Variants in NRXN1 observed in about 807,000 individuals in gnomAD.
NRXN1 encodes neurexin-1.
In NRXN1, 39 loss-of-function variants were observed where a neutral mutation model predicts 150.9. The ratio of observed to expected loss-of-function variants is 0.26; its 90% CI spans 0.20 to 0.34. NRXN1 has a LOEUF of 0.34. Among genes scored for constraint, NRXN1 ranks in the 10% least tolerant of loss-of-function variants. The pLI is 1.00. For missense variants in NRXN1, 1,815 were observed against 1,949.9 expected (o/e 0.93, Z 1.30); for synonymous variants, 924 against 757.0 (o/e 1.22, Z -3.62).
intron 21 of NRXN1, among the ~76,000 whole-genome samples, chr2:49,960,781 G>C (rs1281247142): frequency 1.3e-5 from 2 of 152,086 alleles, no homozygotes; most frequent in South Asian, 4.1e-4. Flanking sequence ...TACCCCAGTG[G>C]TTCTTAAATG....
At chr2:50,051,678 G>A (rs1169829856) in intron 21 of NRXN1, among the ~76,000 whole-genome samples, 4 of 152,012 alleles carry the variant, frequency 2.6e-5, no homozygotes, top group Admixed American at 6.6e-5. Context: ...TGATGTTATT[G>A]GCAACCTTAT....
intron 17 of NRXN1, among the ~76,000 whole-genome samples, chr2:50,445,256 T>C (rs2086297161): frequency 6.6e-6 from 1 of 152,168 alleles, no homozygotes; most frequent in East Asian, 1.9e-4. Context: ...AAATTCCATA[T>C]ATTTTGCTCA....
chr2:50,484,168 A>C (rs770999439), intron 15 of NRXN1, among the ~76,000 whole-genome samples: 10 of 152,224 alleles, frequency 6.6e-5, no homozygotes, highest in Non-Finnish European at 1.2e-4. Context: ...AAGCACACAC[A>C]AAAAAACTTA....
chr2:50,928,117 G>T (rs1687184995), intron 2 of NRXN1, among the ~76,000 whole-genome samples: 1 of 151,544 alleles, frequency 6.6e-6, no homozygotes, highest in South Asian at 2.1e-4. Flanking sequence ...CTTAATAATG[G>T]GAATTCCTTT....
intron 5 of NRXN1, among the ~76,000 whole-genome samples, chr2:50,794,252 T>A (rs1289518319): frequency 6.6e-6 from 1 of 152,244 alleles, no homozygotes; most frequent in East Asian, 1.9e-4. Flanking sequence ...GTGCATCATT[T>A]GTCGGCATCA....
At chr2:50,724,892 C>T (rs1697138166) in intron 5 of NRXN1, among the ~76,000 whole-genome samples, 1 of 151,306 alleles carries the variant, frequency 6.6e-6, no homozygotes, top group African/African-American at 2.4e-5. Flanking sequence ...AATCTTGCTG[C>T]TGCTCACTAA....
At chr2:51,013,913 T>C (rs1198392652) in intron 2 of NRXN1, among the ~76,000 whole-genome samples, 2 of 152,082 alleles carry the variant, frequency 1.3e-5, no homozygotes, top group Non-Finnish European at 1.5e-5. Context: ...TATTTTTCTG[T>C]CCTACTTTTC....
intron 10 of NRXN1, among the ~76,000 whole-genome samples, chr2:50,535,295 A>G (rs1376605036): frequency 2.0e-5 from 3 of 152,228 alleles, no homozygotes; most frequent in African/African-American, 7.2e-5. Flanking sequence ...CCACTGGGGG[A>G]GAAAACCAGT....
chr2:50,479,211 G>A (rs190141153), intron 15 of NRXN1, among the ~76,000 whole-genome samples: 14 of 152,256 alleles, frequency 9.2e-5, no homozygotes, highest in Non-Finnish European at 1.5e-4. Context: ...CCCACAGTCC[G>A]ACCTTTAGTC....
chr2:50,415,415 C>A (rs1287927960), intron 17 of NRXN1, among the ~76,000 whole-genome samples: 5 of 151,984 alleles, frequency 3.3e-5, no homozygotes, highest in African/African-American at 7.3e-5. Flanking sequence ...TGACAAAGTG[C>A]ACTATGAATT....
intron 21 of NRXN1, among the ~76,000 whole-genome samples, chr2:50,027,483 C>T (rs1454151410): frequency 6.7e-6 from 1 of 149,822 alleles, no homozygotes; most frequent in South Asian, 2.2e-4. Flanking sequence ...CACTTTGTCT[C>T]CAAGGCTGGA....
intron 5 of NRXN1, among the ~76,000 whole-genome samples, chr2:50,644,292 G>T (rs1187951551): frequency 6.6e-6 from 1 of 151,624 alleles, no homozygotes; most frequent in Non-Finnish European, 1.5e-5. Flanking sequence ...GAATTGGAAA[G>T]AAAAATATTT....
In NRXN1 at chr2:50,764,695, G is replaced by A. The variant is rs532243910; in HGVS notation, c.833-141080C>T. ...TAGAGCACACGTGCACAGACAGAGA[G>A]ATTATGACACATTGTCTCCAAAGGT... On this transcript the variant is annotated intron_variant, in intron 5 of 22. Coordinates refer to ENST00000401669, the MANE Select transcript of NRXN1 (RefSeq NM_001330078.2). Among the ~76,000 whole-genome samples, 48 of 152,052 alleles carry A rather than the reference G, an allele frequency of 3.2e-4. 2 individuals carry two copies. In the South Asian group the frequency reaches 9.1e-3, roughly 29 times the overall value.
At chr2:50,451,884 A>G (rs1028148039) in intron 17 of NRXN1, among the ~76,000 whole-genome samples, 1 of 152,232 alleles carries the variant, frequency 6.6e-6, no homozygotes, top group Non-Finnish European at 1.5e-5. Flanking sequence ...GCTGATGTTT[A>G]GTTAGTAGTA....
chr2:50,975,679 C>G (rs1575102911), intron 2 of NRXN1, among the ~76,000 whole-genome samples: 1 of 152,050 alleles, frequency 6.6e-6, no homozygotes, highest in South Asian at 2.1e-4. Flanking sequence ...TTTGCTTGCC[C>G]TGCGTCCTTT....
rs201461595 is a variant in NRXN1, at chr2:50,424,881, A to G, written c.3364+40561T>C. The stretch of plus-strand genomic sequence containing the variant: ...TAATATCAGTTATTTCGTATTGCAT[A>G]ATATTTTTCTGTTAAAAAATAAGAA... On this transcript the variant is annotated intron_variant, in intron 17 of 22. Coordinates refer to ENST00000401669, the MANE Select transcript of NRXN1 (RefSeq NM_001330078.2). Among the ~76,000 whole-genome samples the G allele has an allele frequency of 4.6e-5, 7 of 152,262 alleles. No homozygotes were observed. The East Asian group carries it at 1.4e-3, about 29-fold the overall frequency.
At chr2:50,093,172 T>C (rs766757656) in intron 18 of NRXN1, among the ~76,000 whole-genome samples, 11 of 152,196 alleles carry the variant, frequency 7.2e-5, no homozygotes, top group Non-Finnish European at 1.0e-4. Flanking sequence ...TGAATTTTCA[T>C]TGGACTTTTG....
intron 11 of NRXN1, among the ~76,000 whole-genome samples, 166 bp downstream of exon 11, chr2:50,531,061 A>G (rs141460724): frequency 6.5e-4 from 99 of 152,328 alleles, no homozygotes; most frequent in African/African-American, 2.4e-3. Flanking sequence ...ATAAAATAAA[A>G]AATAAAAAGA....
chr2:50,784,001 C>A (rs964948783), intron 5 of NRXN1, among the ~76,000 whole-genome samples: 64 of 152,056 alleles, frequency 4.2e-4, no homozygotes, highest in African/African-American at 1.5e-3. Context: ...AGAGTCAGGT[C>A]CAGCAATCTT....
Sources: allele counts gnomAD v4.1 joint callset (sites outside exome capture counted in the v4.1 genomes callset), GRCh38; gene constraint gnomAD v4.1.1; transcripts MANE v1.5; gene names NCBI Gene and HGNC (gene_info 2026-07-23, HGNC 2026-07-21).